The following EBF3 variants were observed in gnomAD, a reference collection of about 807,000 sequenced individuals.
EBF3 encodes the protein transcription factor COE3.
In EBF3, 18 loss-of-function variants were observed where a neutral mutation model predicts 77.1. The observed-to-expected ratio is 0.23, with a 90% CI of 0.16 to 0.35. The LOEUF is 0.35. Among genes scored for constraint, EBF3 ranks in the 10% least tolerant of loss-of-function variants. The pLI, the probability that EBF3 is intolerant of heterozygous loss-of-function variation, is 1.00. For missense variants in EBF3, 558 were observed against 860.0 expected, an observed-to-expected ratio of 0.65 and a Z score of 4.39; for synonymous variants, 350 against 343.5, an observed-to-expected ratio of 1.02 and a Z score of -0.21.
rs566324728 is a variant in EBF3 at position 129,863,121 on chromosome 10, A to G, written c.1039+4020T>C. On this transcript the variant is annotated intron_variant, in intron 10 of 16. Coordinates refer to ENST00000440978, the MANE Select transcript of EBF3 (RefSeq NM_001375380.1). The surrounding 1 kb of genome is among the most constrained non-coding windows in gnomAD (Gnocchi z 4.0). ...GAAGGCAATTTACTATTAACTGGCA[A>G]TTACATACAGAGTGATTGTTAATTC... Among the ~76,000 whole-genome samples, 13 of 152,342 alleles carry G rather than the reference A, an allele frequency of 8.5e-5. No individual in the cohort carries two copies. In the South Asian group the frequency reaches 2.7e-3, roughly 32 times the overall value.
chr10:129,888,476 G>A (rs539394535), intron 6 of EBF3, among the ~76,000 whole-genome samples: 4 of 152,378 alleles, frequency 2.6e-5, no homozygotes, highest in Admixed American at 1.3e-4. Context: ...ACAAGGCCGC[G>A]GAGGCCCAGT....
At chr10:129,855,136 T>C (rs1564828360) in intron 10 of EBF3, among the ~76,000 whole-genome samples, 1 of 152,246 alleles carries the variant, frequency 6.6e-6, no homozygotes, top group Non-Finnish European at 1.5e-5. Flanking sequence ...AGGGTATTTC[T>C]GTCGAAAAGT....
intron 6 of EBF3, among the ~76,000 whole-genome samples, chr10:129,949,009 C>G (rs1014987627): frequency 6.6e-6 from 1 of 152,204 alleles, no homozygotes; most frequent in Non-Finnish European, 1.5e-5. Flanking sequence ...TCTTACAAAA[C>G]TTAAGAGGCA....
Position 129,847,265 on chromosome 10 carries a change from C to G in EBF3, c.1128+1127G>C, listed in dbSNP as rs557414920. On this transcript the variant is annotated intron_variant, in intron 11 of 16. Transcript: ENST00000440978. ...TGGTCTGTCTATGGGATGGCGGGAC[C>G]CAGTCACTAATCCTGCACACAAAGC... 2.3e-4 allele frequency among the ~76,000 whole-genome samples: 35 copies of G among 152,214 alleles called. No homozygotes were observed. In the Middle Eastern group the frequency reaches 0.014, roughly 59 times the overall value.
chr10:129,931,530 A>G (rs2134423260), intron 6 of EBF3, among the ~76,000 whole-genome samples: 1 of 152,358 alleles, frequency 6.6e-6, no homozygotes, highest in Non-Finnish European at 1.5e-5. Context: ...ACATATAGCA[A>G]GTAGCCCCAA....
chr10:129,883,354 G>A (rs1469732422), intron 6 of EBF3, among the ~76,000 whole-genome samples: 1 of 152,160 alleles, frequency 6.6e-6, no homozygotes, highest in Admixed American at 6.5e-5. Context: ...TTCCAGCCTC[G>A]GTCCTAGAAG....
chr10:129,862,651 T>A (rs1055551878), intron 10 of EBF3, among the ~76,000 whole-genome samples: 1 of 152,154 alleles, frequency 6.6e-6, no homozygotes, highest in African/African-American at 2.4e-5. Context: ...TTCTGCCAAA[T>A]GGACACTGTT....
intron 6 of EBF3, among the ~76,000 whole-genome samples, chr10:129,948,997 G>A (rs910258855): frequency 6.6e-6 from 1 of 152,170 alleles, no homozygotes; most frequent in African/African-American, 2.4e-5. Flanking sequence ...TGGTGCTGAA[G>A]TTCTTACAAA....
Position 129,842,072 on chromosome 10 carries a change from C to G in EBF3, c.1372+44G>C. ...TTCAGCTAAGGCCTCAACCAACCCT[C>G]GGAGGGCGTTCAGGGCAGGGGTCCT... On this transcript the variant is annotated intron_variant, in intron 13 of 16. Coordinates refer to ENST00000440978, the MANE Select transcript of EBF3 (RefSeq NM_001375380.1). The surrounding 1 kb of genome is among the most constrained non-coding windows in gnomAD (Gnocchi z 4.4). The G allele has an allele frequency of 6.2e-7, 1 of 1,612,828 alleles. No homozygotes were observed. The highest frequency in any genetic ancestry group is 8.5e-7 in the Non-Finnish European group (1 of 1,179,298).
In EBF3 at chr10:129,952,179, G is replaced by A. The variant is rs1457734201; in HGVS notation, c.554+5079C>T. Among the ~76,000 whole-genome samples the A allele has an allele frequency of 1.3e-5, 2 of 152,214 alleles. No homozygotes were observed. Among genetic ancestry groups the A allele is most frequent in the Non-Finnish European group, 2.9e-5 (2 of 68,040 alleles). On this transcript the variant is annotated intron_variant, in intron 6 of 16. Transcript: ENST00000440978. The surrounding 1 kb of genome is among the most constrained non-coding windows in gnomAD (Gnocchi z 4.7). ...CTCCAATGCACAGCCTCCGCCAAGA[G>A]AGGATCTCCAGGACCCCAAGGCCTA...
At chr10:129,905,452 CTTTG>C (rs1347072722) in intron 6 of EBF3, among the ~76,000 whole-genome samples, 5 of 151,752 alleles carry the variant, frequency 3.3e-5, no homozygotes, top group Non-Finnish European at 7.4e-5. Context: ...TCTCTTTTTA[CTTTG>C]TTAGTGTGGT....
intron 6 of EBF3, among the ~76,000 whole-genome samples, chr10:129,937,117 G>A (rs1422083881): frequency 6.6e-6 from 1 of 152,288 alleles, no homozygotes; most frequent in East Asian, 1.9e-4. Flanking sequence ...AGCTGGACTG[G>A]CTGTCTGAAA....
intron 6 of EBF3, among the ~76,000 whole-genome samples, chr10:129,908,909 A>G (rs1855329490): frequency 6.6e-6 from 1 of 152,208 alleles, no homozygotes; most frequent in South Asian, 2.1e-4. Context: ...ACACAATGCA[A>G]CTGCCTCTTT....
In EBF3 at chr10:129,963,109, A is replaced by T; in HGVS notation, c.292-104T>A. 7.0e-7 allele frequency: 1 copy of T among 1,428,306 alleles called. No homozygotes were observed. Among genetic ancestry groups the T allele is most frequent in the Non-Finnish European group, 9.9e-7 (1 of 1,013,928 alleles). 88.5% of individuals were successfully genotyped at this position (1,428,306 alleles called of 1,614,324 possible). A position where few individuals can be genotyped will look rare whatever the true frequency, so the allele number is the denominator to read the frequency against. On this transcript the variant is annotated intron_variant, in intron 2 of 16. Transcript: ENST00000440978. The surrounding 1 kb of genome is among the most constrained non-coding windows in gnomAD (Gnocchi z 7.1). Reference sequence around the variant, plus strand: ...CGAGGCTCTCGGCCTCACACATGGCAGGATTCCTAGCTCGAAGCAGCGCGG... The same window carrying T: ...CGAGGCTCTCGGCCTCACACATGGCTGGATTCCTAGCTCGAAGCAGCGCGG...
chr10:129,946,953 G>A (rs1256078872), intron 6 of EBF3, among the ~76,000 whole-genome samples: 2 of 152,160 alleles, frequency 1.3e-5, no homozygotes, highest in African/African-American at 2.4e-5. Flanking sequence ...CTTTCCCTGG[G>A]GCCTCGCTGG....
In EBF3 at chr10:129,842,124, T is replaced by C; in HGVS notation, c.1364A>G (p.Asn455Ser). 6.2e-7 allele frequency: 1 copy of C among 1,614,210 alleles called. No homozygotes were observed. The highest frequency in any genetic ancestry group is 8.5e-7 in the Non-Finnish European group (1 of 1,180,044). Reference sequence around the variant, plus strand: ...CCAGCATGCTGGCATACCTTGGTCGTTGGCTTGTGACGTCTCTGACACGTT... The same window carrying C: ...CCAGCATGCTGGCATACCTTGGTCGCTGGCTTGTGACGTCTCTGACACGTT... ...AVNVSETSQA[N>S]DQVGYSRNTS... Residue 455 changes from asparagine to serine, a missense_variant, in exon 13 of 17, where the codon AAC (asparagine) becomes AGC (serine). Asn to Ser is a conservative substitution (Grantham distance 46, BLOSUM62 1). Coordinates refer to ENST00000440978, the MANE Select transcript of EBF3 (RefSeq NM_001375380.1). The surrounding 1 kb of genome is among the most constrained non-coding windows in gnomAD (Gnocchi z 4.4).
At chr10:129,940,196 C>T (rs573115560) in intron 6 of EBF3, among the ~76,000 whole-genome samples, 1 of 152,330 alleles carries the variant, frequency 6.6e-6, no homozygotes, top group South Asian at 2.1e-4. Flanking sequence ...TGTGCGTGCC[C>T]ACAGCTGTAG....
chr10:129,849,260 G>A (rs1474219132), intron 10 of EBF3, among the ~76,000 whole-genome samples: 2 of 152,208 alleles, frequency 1.3e-5, no homozygotes, highest in Non-Finnish European at 2.9e-5. Context: ...CAAAAACTGA[G>A]CCTGGAGGCC....
At position 129,863,471 on chromosome 10, in the gene EBF3, CATT is replaced by C. The variant is rs1044057249; in HGVS notation, c.1039+3667_1039+3669del. Among the ~76,000 whole-genome samples the C allele has an allele frequency of 6.6e-6, 1 of 152,236 alleles. No individual in the cohort carries two copies. The highest frequency in any genetic ancestry group is 2.4e-5 in the African/African-American group (1 of 41,464). ...GTTTCTCAGATCACTGTAAACAGAT[CATT>C]GAGGCCCTTTGCAAAGCCCCTCCCA... is the stretch of plus-strand genomic sequence containing the variant. On this transcript the variant is annotated intron_variant, in intron 10 of 16. Coordinates refer to ENST00000440978, the MANE Select transcript of EBF3 (RefSeq NM_001375380.1). The surrounding 1 kb of genome is among the most constrained non-coding windows in gnomAD (Gnocchi z 4.0).
Sources: allele counts gnomAD v4.1 joint callset (sites outside exome capture counted in the v4.1 genomes callset), GRCh38; gene constraint gnomAD v4.1.1; non-coding constraint Gnocchi (gnomAD v3.1); transcripts MANE v1.5; gene names NCBI Gene and HGNC (gene_info 2026-07-23, HGNC 2026-07-21).